The following PCDHGA2 variants were observed in gnomAD, a reference collection of about 807,000 sequenced individuals.
PCDHGA2 encodes protocadherin gamma subfamily A, 2.
Under a neutral mutation model 59.2 loss-of-function variants are expected in PCDHGA2, and 40 were observed. The ratio of observed to expected loss-of-function variants is 0.68; its 90% CI spans 0.52 to 0.88. The LOEUF (loss-of-function observed/expected upper bound fraction) is 0.88, where lower values mean the gene tolerates loss of function less well. PCDHGA2 is among the 40% of genes least tolerant of loss of function. The probability of loss-of-function intolerance (pLI) is 0.00; values close to 1 mark genes in which losing one functional copy is unlikely to be tolerated. For synonymous variants in PCDHGA2, 560 were observed against 526.0 expected (o/e 1.06, Z -0.89); for missense variants, 1,226 against 1,204.0 (o/e 1.02, Z -0.27).
intron 1 of PCDHGA2, among the ~76,000 whole-genome samples, chr5:141,402,229 AG>A (rs1400203598): frequency 6.6e-6 from 1 of 152,110 alleles, no homozygotes; most frequent in Non-Finnish European, 1.5e-5. Context: ...ACGTTTTTCC[AG>A]GAATTTTATC....
At chr5:141,349,095 G>A (rs1758233219) in intron 1 of PCDHGA2, among the ~76,000 whole-genome samples, 3 of 152,170 alleles carry the variant, frequency 2.0e-5, no homozygotes. Context: ...TTTTGAGACA[G>A]AGTCTTGCTC....
intron 1 of PCDHGA2, chr5:141,383,809 T>A: frequency 6.2e-7 from 1 of 1,613,966 alleles, no homozygotes; most frequent in South Asian, 1.1e-5. Context: ...AATATCAACT[T>A]TAGAAGGATT....
chr5:141,340,511 C>A lies in PCDHGA2; in HGVS notation c.1540C>A (p.Leu514Ile). The change falls in exon 1 of 4, where the codon CTC becomes ATC. Residue 514 changes from leucine (L) to isoleucine (I), a missense_variant. Leu to Ile is a conservative substitution (Grantham distance 5). Coordinates refer to ENST00000394576, the MANE Select transcript of PCDHGA2 (RefSeq NM_018915.4). ...YISINSDTGV[L>I]YALRSFDYEQ... Reference sequence around the variant, plus strand: ...CTCTATCAACTCCGACACTGGAGTACTCTATGCACTGCGCTCCTTTGATTA... The same window carrying A: ...CTCTATCAACTCCGACACTGGAGTAATCTATGCACTGCGCTCCTTTGATTA... 1 of 1,614,254 alleles carries A rather than the reference C, an allele frequency of 6.2e-7. No homozygotes were observed. Among genetic ancestry groups the A allele is most frequent in the Non-Finnish European group, 8.5e-7 (1 of 1,180,040 alleles).
chr5:141,501,237 A>G (rs1327502244), intron 2 of PCDHGA2, among the ~76,000 whole-genome samples: 1 of 150,372 alleles, frequency 6.7e-6, no homozygotes, highest in Non-Finnish European at 1.5e-5. Flanking sequence ...CAGTTTTTTG[A>G]GCATGATGTA....
intron 1 of PCDHGA2, chr5:141,403,607 G>T: frequency 6.2e-7 from 1 of 1,613,858 alleles, no homozygotes; most frequent in Non-Finnish European, 8.5e-7. Flanking sequence ...GGATGGCGGC[G>T]AGCCGCGTCG....
intron 1 of PCDHGA2, chr5:141,393,113 G>A: frequency 1.2e-6 from 2 of 1,613,500 alleles, no homozygotes; most frequent in Non-Finnish European, 8.5e-7. Context: ...CTCAGAGCCC[G>A]CGGTGTCTGA....
chr5:141,470,969 A>T (rs62379203), intron 1 of PCDHGA2, among the ~76,000 whole-genome samples: 1 of 151,298 alleles, frequency 6.6e-6, no homozygotes, highest in Non-Finnish European at 1.5e-5. Flanking sequence ...CTCCCACCTC[A>T]GCCTCCCAAA....
intron 1 of PCDHGA2, chr5:141,409,951 G>T: frequency 6.2e-7 from 1 of 1,613,374 alleles, no homozygotes; most frequent in Non-Finnish European, 8.5e-7. Context: ...GCTCTGCAGA[G>T]CCCGGCTACC....
chr5:141,431,440 C>T lies in PCDHGA2; in HGVS notation c.2425-63367C>T. ...ACCCGGTGCGCACAGGCACCGCGCG[C>T]ATCCGCGTGATGGTTCTGGATGCGA... is the stretch of plus-strand genomic sequence containing the variant. On this transcript the variant is annotated intron_variant, in intron 1 of 3. Transcript: ENST00000394576. The surrounding 1 kb of genome is among the most constrained non-coding windows in gnomAD (Gnocchi z 4.8). 6.2e-7 allele frequency: 1 copy of T among 1,613,754 alleles called. No homozygotes were observed.
At chr5:141,407,505 T>TTTTTTTTTTTTTTTTTTTTTGAG (rs1460306566) in intron 1 of PCDHGA2, among the ~76,000 whole-genome samples, 2 of 152,146 alleles carry the variant, frequency 1.3e-5, no homozygotes, top group African/African-American at 4.8e-5. Context: ...CTGTTTTTCT[T>TTTTTTTTTTTTTTTTTTTTTGAG]AGGCTATGTA....
Position 141,511,015 on chromosome 5 carries a change from C to T in PCDHGA2, c.2641C>T (p.Pro881Ser), listed in dbSNP as rs1430257603. The T allele has an allele frequency of 1.2e-6, 2 of 1,614,106 alleles. No homozygotes were observed. The highest frequency in any genetic ancestry group is 1.3e-5 in the African/African-American group (1 of 74,936). The stretch of plus-strand genomic sequence containing the variant: ...CATGGGATTGAGCGCCCGCTACGGA[C>T]CCCAGTTCACCCTGCAGCACGTGCC... ...GTMGLSARYG[P>S]QFTLQHVPDY... Residue 881 changes from proline (P) to serine (S), a missense_variant, in exon 4 of 4, where the codon CCC (proline) becomes TCC (serine). Coordinates refer to ENST00000394576, the MANE Select transcript of PCDHGA2 (RefSeq NM_018915.4).
chr5:141,381,582 C>T (rs1777289375), intron 1 of PCDHGA2, among the ~76,000 whole-genome samples: 1 of 152,154 alleles, frequency 6.6e-6, no homozygotes, highest in African/African-American at 2.4e-5. Flanking sequence ...TCAGCCAATC[C>T]ATTATCCAGT....
At chr5:141,352,310 C>T (rs1323195949) in intron 1 of PCDHGA2, 3 of 1,614,086 alleles carry the variant, frequency 1.9e-6, no homozygotes, top group Non-Finnish European at 2.5e-6. Flanking sequence ...CCAGACGGAA[C>T]TGCAGTTTTA....
intron 1 of PCDHGA2, chr5:141,411,305 C>T (rs1317785609): frequency 6.6e-6 from 1 of 152,176 alleles, no homozygotes; most frequent in Non-Finnish European, 1.5e-5. Context: ...CCCAGTGGCT[C>T]ACACCTATAA....
rs187164796 is a variant in PCDHGA2, at chr5:141,398,527, A to C, written c.2424+57132A>C. On this transcript the variant is annotated intron_variant, in intron 1 of 3. Transcript: ENST00000394576. ...CATTAATGACCACACGCCAAAATTC[A>C]CGCAAAATTCCTTTGAGCTGCAAAT... 1.8e-3 allele frequency: 2,980 copies of C among 1,613,696 alleles called. 47 individuals are homozygous for C. The African/African-American group carries it at 0.033, about 18-fold the overall frequency.
intron 1 of PCDHGA2, chr5:141,418,237 T>G (rs1470328670): frequency 6.2e-7 from 1 of 1,614,044 alleles, no homozygotes. Context: ...TTGAGGATGT[T>G]AATGACCACG....
At chr5:141,471,504 G>A (rs1487198851) in intron 1 of PCDHGA2, 1 of 152,214 alleles carries the variant, frequency 6.6e-6, no homozygotes, top group Non-Finnish European at 1.5e-5. Flanking sequence ...ATGCAAGAGA[G>A]GGAGTAAAAA....
chr5:141,365,919 TGTG>T (rs1195562378), intron 1 of PCDHGA2: 1 of 1,614,178 alleles, frequency 6.2e-7, no homozygotes, highest in East Asian at 2.2e-5. Flanking sequence ...GACCTACAGT[TGTG>T]GGTGACAGCC....
chr5:141,512,555 A>C lies in PCDHGA2; in HGVS notation c.*1382A>C, dbSNP rs1294402882. 2.6e-5 allele frequency: 4 copies of C among 152,986 alleles called. No individual in the cohort carries two copies. The highest frequency in any genetic ancestry group is 9.6e-5 in the African/African-American group (4 of 41,472). 9.5% of individuals were successfully genotyped at this position (152,986 alleles called of 1,614,324 possible). A position where few individuals can be genotyped will look rare whatever the true frequency, so the allele number is the denominator to read the frequency against. ...AGTTCCCCAGTGCCTCCTTGTGCAT[A>C]GACCTTCTTCTCCCACCCCCTTCTG... On this transcript the variant is annotated 3_prime_UTR_variant, in exon 4 of 4. Transcript: ENST00000394576.
Sources: gnomAD v4.1 joint callset for allele counts (sites outside exome capture counted in the v4.1 genomes callset) on GRCh38, gnomAD v4.1.1 for gene constraint, Gnocchi (gnomAD v3.1) non-coding constraint, MANE v1.5 for transcripts, NCBI Gene and HGNC (gene_info 2026-07-23, HGNC 2026-07-21) for gene names.